Variants in RORA observed in about 807,000 individuals in gnomAD.
RORA encodes the protein RAR related orphan receptor A, also known as nuclear receptor ROR-alpha.
Under a neutral mutation model 69.5 loss-of-function variants are expected in RORA, and 7 were observed. The ratio of observed to expected loss-of-function variants is 0.10; its 90% CI spans 0.06 to 0.19. The LOEUF is 0.19. Among genes scored for constraint, RORA ranks in the 10% least tolerant of loss-of-function variants. The pLI, the probability that RORA is intolerant of heterozygous loss-of-function variation, is 1.00. For synonymous variants in RORA, 261 were observed against 240.8 expected (o/e 1.08, Z -0.78); for missense variants, 457 against 663.0 (o/e 0.69, Z 3.41).
chr15:60,564,639 G>A (rs919360387), intron 2 of RORA, among the ~76,000 whole-genome samples: 1 of 152,072 alleles, frequency 6.6e-6, no homozygotes, highest in South Asian at 2.1e-4. Flanking sequence ...AGGAAAGGTG[G>A]GGGCCTGGGA....
intron 1 of RORA, among the ~76,000 whole-genome samples, chr15:61,049,368 G>A (rs886560382): frequency 2.0e-5 from 3 of 152,142 alleles, no homozygotes; most frequent in African/African-American, 7.2e-5. Context: ...CTGATGAGGT[G>A]CCAAATTCTT....
At chr15:60,706,950 G>A (rs1436514330) in intron 1 of RORA, among the ~76,000 whole-genome samples, 1 of 152,198 alleles carries the variant, frequency 6.6e-6, no homozygotes, top group Non-Finnish European at 1.5e-5. Flanking sequence ...ATAATAAATA[G>A]TTTCTGATTC....
intron 2 of RORA, among the ~76,000 whole-genome samples, chr15:60,669,011 G>A (rs2070423339): frequency 6.6e-6 from 1 of 152,178 alleles, no homozygotes; most frequent in Non-Finnish European, 1.5e-5. Context: ...GGAATTTGGG[G>A]TTTAAATTTT....
At chr15:61,181,197 A>G (rs2079682188) in intron 1 of RORA, 1 of 152,188 alleles carries the variant, frequency 6.6e-6, no homozygotes. Flanking sequence ...TACTAAGACA[A>G]TAGTAACATT....
rs192113977 is a variant in RORA, at chr15:61,152,238, T to G, written c.166+76815A>C. Among the ~76,000 whole-genome samples, 117 of 152,186 alleles carry G rather than the reference T, an allele frequency of 7.7e-4. 1 individual carries two copies. The highest frequency in any genetic ancestry group is 1.4e-3 in the Non-Finnish European group (95 of 68,006). ...CTAAAACTCACATTCTCTTAAAGCTTCCCCAACTCCTAAACTGGAGAAATA... is the reference window on the plus strand; with the variant it reads ...CTAAAACTCACATTCTCTTAAAGCTGCCCCAACTCCTAAACTGGAGAAATA... On this transcript the variant is annotated intron_variant, in intron 1 of 10. Transcript: ENST00000335670.
chr15:60,537,501 T>C lies in RORA; in HGVS notation c.197-5650A>G, dbSNP rs578089010. 1.6e-3 allele frequency among the ~76,000 whole-genome samples: 247 copies of C among 152,298 alleles called. No homozygotes were observed. The highest frequency in any genetic ancestry group is 5.5e-3 in the African/African-American group (229 of 41,548). Reference sequence around the variant, plus strand: ...AGGGAGCAACATGCTTTCTCTCCACTCTGCCATGGGAGGCCCCAGGACACC... The same window carrying C: ...AGGGAGCAACATGCTTTCTCTCCACCCTGCCATGGGAGGCCCCAGGACACC... On this transcript the variant is annotated intron_variant, in intron 2 of 10. Transcript: ENST00000335670. The surrounding 1 kb of genome is among the most constrained non-coding windows in gnomAD (Gnocchi z 4.9).
At chr15:60,931,105 G>A (rs1354909486) in intron 1 of RORA, among the ~76,000 whole-genome samples, 1 of 152,184 alleles carries the variant, frequency 6.6e-6, no homozygotes, top group Admixed American at 6.5e-5. Context: ...CCAGGGTCTG[G>A]GGAAGAACTC....
intron 1 of RORA, among the ~76,000 whole-genome samples, chr15:60,837,717 T>C (rs1434115208): frequency 6.6e-6 from 1 of 152,056 alleles, no homozygotes; most frequent in Non-Finnish European, 1.5e-5. Context: ...GGGGACACAG[T>C]CCTTACTGTC....
At chr15:60,802,711 T>C (rs967159854) in intron 1 of RORA, among the ~76,000 whole-genome samples, 3 of 152,226 alleles carry the variant, frequency 2.0e-5, no homozygotes, top group Non-Finnish European at 2.9e-5. Flanking sequence ...CACCTGTTGT[T>C]GTCTTTTTCA....
chr15:60,799,629 C>T (rs192758492), intron 1 of RORA, among the ~76,000 whole-genome samples: 27 of 151,762 alleles, frequency 1.8e-4, no homozygotes, highest in African/African-American at 5.8e-4. Flanking sequence ...GTTCAGATGC[C>T]GAAAAATCCC....
At chr15:60,888,303 C>T (rs1475255902) in intron 1 of RORA, among the ~76,000 whole-genome samples, 1 of 152,238 alleles carries the variant, frequency 6.6e-6, no homozygotes, top group Non-Finnish European at 1.5e-5. Flanking sequence ...GGGACACTGG[C>T]CTGACCTGAA....
chr15:60,842,644 C>T (rs2073214262), intron 1 of RORA, among the ~76,000 whole-genome samples: 1 of 152,162 alleles, frequency 6.6e-6, no homozygotes, highest in Non-Finnish European at 1.5e-5. Context: ...CTCTTGACCC[C>T]TTCACTGCCC....
At chr15:60,659,016 G>A (rs1423503669) in intron 2 of RORA, among the ~76,000 whole-genome samples, 2 of 152,154 alleles carry the variant, frequency 1.3e-5, no homozygotes, top group Non-Finnish European at 2.9e-5. Flanking sequence ...CCGAGGAGGA[G>A]GAACATGCCG....
chr15:61,009,398 A>G (rs1462799119), intron 1 of RORA, among the ~76,000 whole-genome samples: 5 of 152,258 alleles, frequency 3.3e-5, no homozygotes, highest in Admixed American at 2.6e-4. Flanking sequence ...GCATAGTCCT[A>G]TGCTTAAACA....
At chr15:60,954,371 AG>A (rs1403541140) in intron 1 of RORA, among the ~76,000 whole-genome samples, 1 of 150,492 alleles carries the variant, frequency 6.6e-6, no homozygotes, top group Non-Finnish European at 1.5e-5. Context: ...GCAGCGCACC[AG>A]CATGGCACAT....
intron 2 of RORA, among the ~76,000 whole-genome samples, chr15:60,581,345 T>A (rs1350234847): frequency 1.3e-5 from 2 of 152,218 alleles, no homozygotes; most frequent in Non-Finnish European, 2.9e-5. Context: ...ATGCTTCTGT[T>A]TTACGAGATT....
chr15:60,719,457 C>T (rs1308582310), intron 1 of RORA, among the ~76,000 whole-genome samples: 2 of 152,074 alleles, frequency 1.3e-5, no homozygotes, highest in Middle Eastern at 3.4e-3. Flanking sequence ...ATTAAAAATC[C>T]AAAACCACAA....
intron 2 of RORA, among the ~76,000 whole-genome samples, chr15:60,640,852 T>C (rs1375340070): frequency 1.3e-5 from 2 of 152,240 alleles, no homozygotes; most frequent in East Asian, 1.9e-4. Flanking sequence ...TCATAGCACT[T>C]GTCACTATGT....
intron 1 of RORA, among the ~76,000 whole-genome samples, chr15:60,803,186 C>T (rs1486119267): frequency 1.3e-5 from 2 of 152,202 alleles, no homozygotes; most frequent in East Asian, 1.9e-4. Flanking sequence ...GATAATGTCA[C>T]TTGTTCAGGT....
Sources: gnomAD v4.1 joint callset for allele counts (sites outside exome capture counted in the v4.1 genomes callset) on GRCh38, gnomAD v4.1.1 for gene constraint, Gnocchi (gnomAD v3.1) non-coding constraint, MANE v1.5 for transcripts, NCBI Gene and HGNC (gene_info 2026-07-23, HGNC 2026-07-21) for gene names.